DNAH11: variants seen among roughly 807,000 people sequenced by gnomAD.
The protein encoded by DNAH11 is dynein axonemal heavy chain 11.
DNAH11 carries 442 observed loss-of-function variants against 526.0 expected under a neutral mutation model. The ratio of observed to expected loss-of-function variants is 0.84; its 90% CI spans 0.78 to 0.91. The LOEUF (loss-of-function observed/expected upper bound fraction) is 0.91. Among genes scored for constraint, DNAH11 ranks in the 40% least tolerant of loss-of-function variants. The pLI, the probability that DNAH11 is intolerant of heterozygous loss-of-function variation, is 0.00. For missense variants in DNAH11, 6,989 were observed against 5,448.7 expected (o/e 1.28, Z -8.90); for synonymous variants, 2,461 against 1,935.9 (o/e 1.27, Z -7.12).
At chr7:21,649,496 T>A (rs909369466) in intron 28 of DNAH11, among the ~76,000 whole-genome samples, 3 of 152,176 alleles carry the variant, frequency 2.0e-5, no homozygotes, top group Non-Finnish European at 4.4e-5. Flanking sequence ...GTATACCAAA[T>A]AACATGAATA....
chr7:21,650,285 G>A (rs1037736037), intron 28 of DNAH11, among the ~76,000 whole-genome samples: 1 of 152,132 alleles, frequency 6.6e-6, no homozygotes, highest in African/African-American at 2.4e-5. Flanking sequence ...TTTGGCAAAA[G>A]CAAATCTGGA....
chr7:21,750,157 A>T, intron 53 of DNAH11, 65 bp from the exon 54 acceptor site: 1 of 1,491,784 alleles, frequency 6.7e-7, no homozygotes, highest in African/African-American at 1.4e-5. Context: ...TCAAACGTTT[A>T]AAAGTTATAT....
At chr7:21,679,806 A>G (rs1016621187) in intron 30 of DNAH11, among the ~76,000 whole-genome samples, 1 of 152,180 alleles carries the variant, frequency 6.6e-6, no homozygotes, top group South Asian at 2.1e-4. Flanking sequence ...AATGTGGTTA[A>G]TAGGGCTTTG....
rs1783345957 is a variant in DNAH11, at chr7:21,867,947, AC to A, written c.11784del (p.Ile3929TyrfsTer9). The part of the protein sequence containing the change: ...VKAFEESSPA[T>X]PIFFILSPGV... ...AGCATTCGAAGAAAGCAGCCCAGCC[AC>A]CCCCATATTCTTCATCCTGTCTCCG... is the stretch of plus-strand genomic sequence containing the variant. On this transcript the variant is annotated frameshift_variant, in exon 72 of 82. Coordinates refer to ENST00000409508, the MANE Select transcript of DNAH11 (RefSeq NM_001277115.2). LOFTEE classifies it high-confidence loss of function. 6.4e-7 allele frequency: 1 copy of A among 1,569,034 alleles called. No homozygotes were observed. Among genetic ancestry groups the A allele is most frequent in the Non-Finnish European group, 8.7e-7 (1 of 1,155,874 alleles).
intron 45 of DNAH11, among the ~76,000 whole-genome samples, chr7:21,734,164 A>C (rs566830330): frequency 6.6e-6 from 1 of 152,208 alleles, no homozygotes; most frequent in Non-Finnish European, 1.5e-5. Context: ...ACTAGTAGCT[A>C]TGACCTTGAC....
intron 74 of DNAH11, among the ~76,000 whole-genome samples, chr7:21,875,615 C>A (rs933843903): frequency 1.6e-4 from 24 of 152,236 alleles, no homozygotes; most frequent in African/African-American, 5.8e-4. Flanking sequence ...GAGCTATGAT[C>A]ACACCACTGT....
chr7:21,766,073 C>T (rs1169526255), intron 55 of DNAH11, among the ~76,000 whole-genome samples: 2 of 152,138 alleles, frequency 1.3e-5, no homozygotes, highest in African/African-American at 4.8e-5. Context: ...CCCTGTATCC[C>T]ATAACCACTA....
intron 30 of DNAH11, among the ~76,000 whole-genome samples, chr7:21,666,570 C>T (rs1042750936): frequency 1.3e-5 from 2 of 152,042 alleles, no homozygotes; most frequent in Non-Finnish European, 2.9e-5. Context: ...TACCAGTATA[C>T]ATATAAGAAA....
chr7:21,708,973 A>G (rs1043962880), intron 40 of DNAH11, among the ~76,000 whole-genome samples: 4 of 152,236 alleles, frequency 2.6e-5, no homozygotes, highest in Non-Finnish European at 4.4e-5. Context: ...GACCGCTTAT[A>G]GACTTGGTGG....
At chr7:21,900,162 C>T (rs771668945) in intron 81 of DNAH11, 42 bp downstream of exon 81, 2 of 1,575,836 alleles carry the variant, frequency 1.3e-6, no homozygotes, top group African/African-American at 1.4e-5. Flanking sequence ...TTTTCTTACT[C>T]AGGTTCAGAT....
At position 21,551,727 on chromosome 7, in the gene DNAH11, G is replaced by A. The variant is rs181546743; in HGVS notation, c.495+6578G>A. ...TAGCCTTATCCCATCATGTAGTGGA[G>A]CTTCCCTAAGGTTTGGTCTAACTTT... On this transcript the variant is annotated intron_variant, in intron 2 of 81. Coordinates refer to ENST00000409508, the MANE Select transcript of DNAH11 (RefSeq NM_001277115.2). Among the ~76,000 whole-genome samples the A allele has an allele frequency of 9.5e-4, 145 of 152,318 alleles. No individual in the cohort carries two copies. In the Middle Eastern group the frequency reaches 0.01, roughly 11 times the overall value.
rs182160568 is a variant in DNAH11, at chr7:21,710,567, A to G, written c.6698A>G (p.Tyr2233Cys). Residue 2233 changes from tyrosine to cysteine, a missense_variant, in exon 41 of 82, where the codon TAT becomes TGT. Physicochemically the swap from Tyr to Cys is radical, Grantham distance 194 (BLOSUM62 -2). Transcript: ENST00000409508. ...TTATATATTAGGATTGTTTACTCTT[A>G]TTTTATAGGTCTCTTCTCATCCATT... ...EWKDGKIVYS[Y>C]FIGLFSSILR... The G allele has an allele frequency of 7.5e-6, 12 of 1,609,486 alleles. No homozygotes were observed. The Admixed American group carries it at 1.7e-4, about 23-fold the overall frequency.
intron 55 of DNAH11, among the ~76,000 whole-genome samples, chr7:21,768,942 A>G (rs1050260487): frequency 2.0e-5 from 3 of 152,238 alleles, no homozygotes; most frequent in Admixed American, 6.5e-5. Context: ...GGGTATACAT[A>G]TGTAACTAAC....
At chr7:21,767,211 T>C (rs1297874628) in intron 55 of DNAH11, among the ~76,000 whole-genome samples, 1 of 152,182 alleles carries the variant, frequency 6.6e-6, no homozygotes, top group Non-Finnish European at 1.5e-5. Flanking sequence ...GTATGTATCT[T>C]CTGATAGCAA....
At chr7:21,587,147 C>T (rs1187749042) in intron 9 of DNAH11, among the ~76,000 whole-genome samples, 1 of 152,168 alleles carries the variant, frequency 6.6e-6, no homozygotes, top group East Asian at 1.9e-4. Flanking sequence ...TTTATGCTAG[C>T]ACACAGAAGA....
intron 20 of DNAH11, among the ~76,000 whole-genome samples, chr7:21,609,213 TTTTTC>T (rs1253185785): frequency 6.6e-6 from 1 of 151,994 alleles, no homozygotes; most frequent in East Asian, 1.9e-4. Flanking sequence ...TTTCCTTTCG[TTTTTC>T]TTTTCTTTTC....
Position 21,735,855 on chromosome 7 carries a change from C to T in DNAH11, c.7645+11C>T. On this transcript the variant is annotated intron_variant, in intron 46 of 81. Transcript: ENST00000409508. ...CCACAGCTCTGCAAAGTAAGTGCAC[C>T]TGTTTATTTTCTAGAAACAAGGGAT... is the stretch of plus-strand genomic sequence containing the variant. 1.3e-6 allele frequency: 2 copies of T among 1,577,812 alleles called. No individual in the cohort carries two copies. Among genetic ancestry groups the T allele is most frequent in the Non-Finnish European group, 1.7e-6 (2 of 1,159,142 alleles).
Position 21,831,129 on chromosome 7 carries a change from C to T in DNAH11, c.10692-11415C>T, listed in dbSNP as rs531550601. Among the ~76,000 whole-genome samples the T allele has an allele frequency of 3.3e-5, 5 of 152,288 alleles. No individual in the cohort carries two copies. In the East Asian group the frequency reaches 9.7e-4, roughly 29 times the overall value. On this transcript the variant is annotated intron_variant, in intron 65 of 81. Transcript: ENST00000409508. ...AGCTGGAAGATGGATTAAGGTTAACCTCTGTTTTAAGAAAGTAGCCACACT... is the reference window on the plus strand; with the variant it reads ...AGCTGGAAGATGGATTAAGGTTAACTTCTGTTTTAAGAAAGTAGCCACACT...
intron 44 of DNAH11, 79 bp from the exon 45 acceptor site, chr7:21,725,732 T>G: frequency 7.1e-7 from 1 of 1,411,452 alleles, no homozygotes; most frequent in Non-Finnish European, 9.7e-7. Context: ...CCTATGATAT[T>G]GTTACTCATA....
Sources: gnomAD v4.1 joint callset for allele counts (sites outside exome capture counted in the v4.1 genomes callset) on GRCh38, gnomAD v4.1.1 for gene constraint, MANE v1.5 for transcripts, NCBI Gene and HGNC (gene_info 2026-07-23, HGNC 2026-07-21) for gene names.